NIPSNAP2: variants seen among roughly 807,000 people sequenced by gnomAD.
The protein encoded by NIPSNAP2 is protein NipSnap homolog 2.
NIPSNAP2 carries 42 observed loss-of-function variants against 48.4 expected under a neutral mutation model. The observed-to-expected ratio is 0.87, with a 90% confidence interval of 0.68 to 1.12. NIPSNAP2 has a LOEUF of 1.12. Among genes scored for constraint, NIPSNAP2 ranks in the 50% most tolerant of loss-of-function variants. The probability of loss-of-function intolerance (pLI) is 0.00; values close to 1 mark genes in which losing one functional copy is unlikely to be tolerated. For synonymous variants in NIPSNAP2, 158 were observed against 126.6 expected (o/e 1.25, Z -1.67); for missense variants, 314 against 347.3 (o/e 0.90, Z 0.76).
chr7:55,986,812 TAAG>T (rs1361067378), intron 7 of NIPSNAP2, among the ~76,000 whole-genome samples: 5 of 151,706 alleles, frequency 3.3e-5, no homozygotes, highest in Admixed American at 1.3e-4. Flanking sequence ...AACTCAATAA[TAAG>T]AATACAGATA....
chr7:55,992,212 G>A (rs1787470108), intron 7 of NIPSNAP2, among the ~76,000 whole-genome samples: 2 of 152,068 alleles, frequency 1.3e-5, no homozygotes, highest in Admixed American at 1.3e-4. Flanking sequence ...GCCCATGGTG[G>A]ATTAGAGCAG....
In NIPSNAP2 at chr7:55,994,981, T is replaced by C. The variant is rs1227588618; in HGVS notation, c.705T>C (p.His235=). ...SQIGQLYMVH[H]LWAYRDLQTR... ...TTGGGCAGCTGTACATGGTGCACCA[T>C]CTTTGGGGTATCTGTTTTTCCCTTT... is the stretch of plus-strand genomic sequence containing the variant. The change falls in exon 8 of 10, where the codon CAT becomes CAC. Residue 235 remains histidine (H), a synonymous_variant. Transcript: ENST00000322090. 1 of 1,613,540 alleles carries C rather than the reference T, an allele frequency of 6.2e-7. No individual in the cohort carries two copies.
At chr7:55,988,890 A>G (rs545712724) in intron 7 of NIPSNAP2, among the ~76,000 whole-genome samples, 1 of 152,202 alleles carries the variant, frequency 6.6e-6, no homozygotes, top group Non-Finnish European at 1.5e-5. Context: ...AAAATTACAT[A>G]TGACCCAGCA....
At chr7:55,972,779 C>G (rs1391748242) in intron 1 of NIPSNAP2, among the ~76,000 whole-genome samples, 1 of 152,058 alleles carries the variant, frequency 6.6e-6, no homozygotes, top group East Asian at 1.9e-4. Flanking sequence ...TAAAACACTT[C>G]AAACTAATTG....
chr7:55,978,192 A>G lies in NIPSNAP2; in HGVS notation c.159A>G (p.Lys53=), dbSNP rs376771637. 2 of 1,614,190 alleles carry G rather than the reference A, an allele frequency of 1.2e-6. No homozygotes were observed. The highest frequency in any genetic ancestry group is 1.7e-6 in the Non-Finnish European group (2 of 1,180,040). ...GGCTAAAATCCTTATTTGTCCGGAA[A>G]GTTGATCCAAGAAAAGATGCCCACT... ...DSWLKSLFVR[K]VDPRKDAHSN... Residue 53 remains lysine, a synonymous_variant, in exon 2 of 10, where the codon AAA becomes AAG. Transcript: ENST00000322090.
chr7:55,995,032 AT>A, intron 8 of NIPSNAP2, 44 bp downstream of exon 8: 4 of 1,501,702 alleles, frequency 2.7e-6, no homozygotes, highest in Non-Finnish European at 9.3e-7. Flanking sequence ...TTAAGAGTTC[AT>A]TACTAAGTTG....
intron 1 of NIPSNAP2, among the ~76,000 whole-genome samples, chr7:55,967,899 C>G (rs1169735052): frequency 6.6e-6 from 1 of 152,006 alleles, no homozygotes; most frequent in African/African-American, 2.4e-5. Flanking sequence ...ATCCTCCCAC[C>G]ACGGCCTCCC....
At chr7:55,986,720 C>T (rs1787335463) in intron 7 of NIPSNAP2, among the ~76,000 whole-genome samples, 1 of 151,590 alleles carries the variant, frequency 6.6e-6, no homozygotes. Flanking sequence ...ATTAAAAAGA[C>T]AAGTCATATA....
chr7:55,964,868 G>C (rs529213007), intron 1 of NIPSNAP2, 167 bp downstream of exon 1: 21 of 223,816 alleles, frequency 9.4e-5, no homozygotes, highest in Middle Eastern at 3.3e-3. Flanking sequence ...AGCTGGGGCG[G>C]GGTCGGGGCG....
At chr7:55,996,362 C>T (rs369426184) in intron 8 of NIPSNAP2, among the ~76,000 whole-genome samples, 114 of 152,150 alleles carry the variant, frequency 7.5e-4, no homozygotes, top group African/African-American at 2.7e-3. Context: ...ACAGGTGATC[C>T]CCCTCCACCT....
At chr7:55,997,161 A>T (rs1178822884) in intron 8 of NIPSNAP2, among the ~76,000 whole-genome samples, 1 of 151,376 alleles carries the variant, frequency 6.6e-6, no homozygotes, top group African/African-American at 2.4e-5. Flanking sequence ...TGTCTCAGAA[A>T]AAAAAAAAAA....
At chr7:55,978,091 G>A (rs760203241) in intron 1 of NIPSNAP2, 35 bp from the exon 2 acceptor site, 1 of 1,612,188 alleles carries the variant, frequency 6.2e-7, no homozygotes, top group Admixed American at 1.7e-5. Flanking sequence ...TATGAAAACA[G>A]TATACTGCGT....
At chr7:55,987,321 T>C (rs1787350923) in intron 7 of NIPSNAP2, among the ~76,000 whole-genome samples, 1 of 151,874 alleles carries the variant, frequency 6.6e-6, no homozygotes, top group East Asian at 1.9e-4. Flanking sequence ...TATCCATCAA[T>C]AGATAAATGG....
At chr7:55,981,425 C>A in intron 3 of NIPSNAP2, 48 bp from the exon 4 acceptor site, 1 of 1,440,410 alleles carries the variant, frequency 6.9e-7, no homozygotes, top group South Asian at 1.2e-5. Flanking sequence ...TCCACCTGGT[C>A]AAATTTTGCT....
Position 55,978,304 on chromosome 7 carries a change from T to C in NIPSNAP2, c.232+39T>C, listed in dbSNP as rs561230777. 1.7e-4 allele frequency: 269 copies of C among 1,613,310 alleles called. 4 individuals are homozygous for C. In the Middle Eastern group the frequency reaches 2.1e-3, roughly 13 times the overall value. On this transcript the variant is annotated intron_variant, in intron 2 of 9. Coordinates refer to ENST00000322090, the MANE Select transcript of NIPSNAP2 (RefSeq NM_001483.3). ...TTGCTATCTTCATAGTTGACTTTTT[T>C]TCCCCTTTGTTCCTAAGTTTATCGT...
chr7:55,994,261 C>T (rs1308609437), intron 7 of NIPSNAP2, among the ~76,000 whole-genome samples: 1 of 152,140 alleles, frequency 6.6e-6, no homozygotes, highest in Non-Finnish European at 1.5e-5. Context: ...TTGACGGGTC[C>T]CATCCTCTGC....
intron 1 of NIPSNAP2, chr7:55,965,063 G>T (rs1037655092): frequency 6.5e-6 from 1 of 154,274 alleles, no homozygotes; most frequent in Non-Finnish European, 1.4e-5. Context: ...CGCAGGCCCC[G>T]GACGCCGTCT....
At chr7:55,978,020 A>C in intron 1 of NIPSNAP2, 106 bp from the exon 2 acceptor site, 1 of 1,273,250 alleles carries the variant, frequency 7.9e-7, no homozygotes, top group East Asian at 2.3e-5. Flanking sequence ...TTGGTAGCCC[A>C]GGTTCTGGAA....
At chr7:55,969,460 C>T (rs1443322396) in intron 1 of NIPSNAP2, among the ~76,000 whole-genome samples, 3 of 152,168 alleles carry the variant, frequency 2.0e-5, no homozygotes, top group Admixed American at 2.0e-4. Context: ...CTCTTCTTTC[C>T]AGTCTTCCAC....
Sources: allele counts gnomAD v4.1 joint callset (sites outside exome capture counted in the v4.1 genomes callset), GRCh38; gene constraint gnomAD v4.1.1; transcripts MANE v1.5; gene names NCBI Gene and HGNC (gene_info 2026-07-23, HGNC 2026-07-21).